The following OAS1 variants were observed in gnomAD, a reference collection of about 807,000 sequenced individuals.
OAS1 encodes 2'-5'-oligoadenylate synthetase 1.
OAS1 carries 24 observed loss-of-function variants against 38.5 expected under a neutral mutation model. That is an observed-to-expected ratio of 0.62 (90% CI 0.45 to 0.88). The LOEUF (loss-of-function observed/expected upper bound fraction) is 0.88. Ranked by LOEUF, OAS1 falls within the 40% of genes least tolerant of loss-of-function variation. The probability of loss-of-function intolerance (pLI) is 0.00; values close to 1 mark genes in which losing one functional copy is unlikely to be tolerated. For synonymous variants in OAS1, 169 were observed against 193.9 expected, an observed-to-expected ratio of 0.87 and a Z score of 1.07; for missense variants, 482 against 493.9, an observed-to-expected ratio of 0.98 and a Z score of 0.23.
intron 3 of OAS1, among the ~76,000 whole-genome samples, chr12:112,916,056 A>G (rs1245547892): frequency 2.0e-5 from 3 of 152,236 alleles, no homozygotes; most frequent in Non-Finnish European, 4.4e-5. Flanking sequence ...TGCATTTCTT[A>G]GGAACATTAC....
rs1341782216 is a variant in OAS1, at chr12:112,908,833, T to G, written c.469+9T>G. ...TGCCTTTGATGCCCTGGGTGAGAGCTCCCAGCTTCTTTTTCTCCCTCTTCC... is the reference window on the plus strand; with the variant it reads ...TGCCTTTGATGCCCTGGGTGAGAGCGCCCAGCTTCTTTTTCTCCCTCTTCC... On this transcript the variant is annotated intron_variant, in intron 2 of 5. Transcript: ENST00000202917. 5 of 1,556,506 alleles carry G rather than the reference T, an allele frequency of 3.2e-6. No individual in the cohort carries two copies. The South Asian group carries it at 6.2e-5, about 19-fold the overall frequency.
intron 5 of OAS1, 181 bp from the exon 6 acceptor site, chr12:112,919,208 C>A (rs576261008): frequency 2.0e-4 from 118 of 604,596 alleles, no homozygotes; most frequent in Non-Finnish European, 3.2e-4. Context: ...CTGAGGCAAC[C>A]CCTAAAAGGG....
At chr12:112,920,733 C>G (rs1593164906), downstream of OAS1, among the ~76,000 whole-genome samples, 3 of 152,212 alleles carry the variant, frequency 2.0e-5, no homozygotes, top group South Asian at 6.2e-4. Flanking sequence ...CTAGCATGCT[C>G]TGATCACCTG....
intron 6 of OAS1, among the ~76,000 whole-genome samples, chr12:112,930,032 A>G (rs1402237060): frequency 6.6e-6 from 1 of 152,012 alleles, no homozygotes; most frequent in Non-Finnish European, 1.5e-5. Flanking sequence ...ATGGGGGTGG[A>G]TTTCTCATGG....
Position 112,908,782 on chromosome 12 carries a change from G to A in OAS1, c.427G>A (p.Glu143Lys). 1 of 1,608,900 alleles carries A rather than the reference G, an allele frequency of 6.2e-7. No individual in the cohort carries two copies. The highest frequency in any genetic ancestry group is 1.1e-5 in the South Asian group (1 of 90,710). The change falls in exon 2 of 6, where the codon GAG (glutamate) becomes AAG (lysine). Residue 143 changes from glutamate to lysine, a missense_variant. Glu to Lys is a moderately conservative substitution (Grantham distance 56, BLOSUM62 1). Coordinates refer to ENST00000202917, the MANE Select transcript of OAS1 (RefSeq NM_016816.4). ...CGTACTGAGTTCGCTCCAGCTCGGG[G>A]AGGGGGTGGAGTTCGATGTGCTGCC... ...SFVLSSLQLG[E>K]GVEFDVLPAF...
chr12:112,924,490 T>C (rs887635502), downstream of OAS1, among the ~76,000 whole-genome samples: 1 of 151,926 alleles, frequency 6.6e-6, no homozygotes, highest in Non-Finnish European at 1.5e-5. Flanking sequence ...ATATAGAATT[T>C]GATGATTCTG....
chr12:112,917,655 CT>C lies in OAS1; in HGVS notation c.996del (p.Phe332LeufsTer9). The C allele has an allele frequency of 6.2e-7, 1 of 1,614,188 alleles. No homozygotes were observed. Among genetic ancestry groups the C allele is most frequent in the Admixed American group, 1.7e-5 (1 of 60,026 alleles). On this transcript the variant is annotated frameshift_variant, in exon 5 of 6. Transcript: ENST00000202917. LOFTEE classifies it low-confidence loss of function (END_TRUNC). ...CTGAGGCCTGGCTGAATTACCCATGCTTTAAGAATTGGGATGGGTCCCCAGT... is the reference window on the plus strand; with the variant it reads ...CTGAGGCCTGGCTGAATTACCCATGCTTAAGAATTGGGATGGGTCCCCAGT... ...EAEAWLNYPC[F>X]KNWDGSPVSS...
At chr12:112,913,515 C>G (rs918884429) in intron 3 of OAS1, among the ~76,000 whole-genome samples, 1 of 152,132 alleles carries the variant, frequency 6.6e-6, no homozygotes, top group Non-Finnish European at 1.5e-5. Flanking sequence ...TTTCATATCT[C>G]TATACTCTCT....
At chr12:112,931,320 A>G (rs781430407) in intron 6 of OAS1, among the ~76,000 whole-genome samples, 8 of 152,214 alleles carry the variant, frequency 5.3e-5, no homozygotes, top group Non-Finnish European at 1.0e-4. Context: ...AGGAGCTAAA[A>G]GCAAAGAATC....
intron 6 of OAS1, among the ~76,000 whole-genome samples, chr12:112,926,852 G>A (rs1274032438): frequency 6.6e-6 from 1 of 152,166 alleles, no homozygotes; most frequent in African/African-American, 2.4e-5. Flanking sequence ...ATCTGCAACT[G>A]GATAAGGCAG....
At chr12:112,915,829 C>T (rs1720957411) in intron 3 of OAS1, among the ~76,000 whole-genome samples, 1 of 151,992 alleles carries the variant, frequency 6.6e-6, no homozygotes, top group African/African-American at 2.4e-5. Flanking sequence ...TTGTAGAGTT[C>T]CTAGTTATTT....
chr12:112,911,281 G>A, intron 3 of OAS1, 46 bp downstream of exon 3: 2 of 1,472,126 alleles, frequency 1.4e-6, no homozygotes, highest in Non-Finnish European at 1.8e-6. Flanking sequence ...TCGACTGGGA[G>A]CAGAGGAGGG....
intron 2 of OAS1, among the ~76,000 whole-genome samples, chr12:112,909,807 C>T (rs2043350951): frequency 6.6e-6 from 1 of 152,198 alleles, no homozygotes; most frequent in South Asian, 2.1e-4. Flanking sequence ...TGACATCTGT[C>T]ACACACCGCA....
At position 112,907,006 on chromosome 12, in the gene OAS1, G is replaced by C; in HGVS notation, c.-34G>C. 1 of 1,610,800 alleles carries C rather than the reference G, an allele frequency of 6.2e-7. No individual in the cohort carries two copies. The highest frequency in any genetic ancestry group is 8.5e-7 in the Non-Finnish European group (1 of 1,177,100). On this transcript the variant is annotated 5_prime_UTR_variant, in exon 1 of 6. Coordinates refer to ENST00000202917, the MANE Select transcript of OAS1 (RefSeq NM_016816.4). The stretch of plus-strand genomic sequence containing the variant: ...GAAGAGATAAAAGCAAACAGGTCTG[G>C]GAGGCAGTTCTGTTGCCACTCTCTC...
At chr12:112,921,449 T>G (rs541389354), downstream of OAS1, among the ~76,000 whole-genome samples, 1 of 152,334 alleles carries the variant, frequency 6.6e-6, no homozygotes, top group South Asian at 2.1e-4. Flanking sequence ...ATTAGTTGCT[T>G]GATCGAAGAG....
intron 2 of OAS1, 66 bp from the exon 3 acceptor site, chr12:112,910,985 C>T (rs2043368670): frequency 2.7e-6 from 4 of 1,462,750 alleles, no homozygotes; most frequent in Middle Eastern, 3.5e-4. Context: ...GAGATTGTCC[C>T]CTCAGAGTGA....
At chr12:112,923,050 G>A (rs1233890722), downstream of OAS1, among the ~76,000 whole-genome samples, 1 of 152,204 alleles carries the variant, frequency 6.6e-6, no homozygotes, top group Admixed American at 6.5e-5. Context: ...AAGGCTGTAT[G>A]TGCACTGTAT....
intron 5 of OAS1, chr12:112,918,966 G>A (rs994166103): frequency 1.6e-5 from 4 of 255,426 alleles, no homozygotes; most frequent in Non-Finnish European, 3.2e-5. Context: ...TCAGGGAAAG[G>A]GGGGAAGAAA....
At chr12:112,907,819 A>AAAGTTCAGTAT (rs2043317118) in intron 1 of OAS1, 1 of 152,520 alleles carries the variant, frequency 6.6e-6, no homozygotes, top group Non-Finnish European at 1.5e-5. Flanking sequence ...AAGTTCAGTA[A>AAAGTTCAGTAT]GCAAAAGAAG....
Sources: allele counts gnomAD v4.1 joint callset (sites outside exome capture counted in the v4.1 genomes callset), GRCh38; gene constraint gnomAD v4.1.1; transcripts MANE v1.5; gene names NCBI Gene and HGNC (gene_info 2026-07-23, HGNC 2026-07-21).